SRBD1: variants seen among roughly 807,000 people sequenced by gnomAD.
The protein encoded by SRBD1 is S1 RNA-binding domain-containing protein 1.
SRBD1 carries 88 observed loss-of-function variants against 115.3 expected under a neutral mutation model. That is an observed-to-expected ratio of 0.76 (90% CI 0.64 to 0.91). The LOEUF is 0.91. Among genes scored for constraint, SRBD1 ranks in the 40% least tolerant of loss-of-function variants. The probability of loss-of-function intolerance (pLI) is 0.00; values close to 1 mark genes in which losing one functional copy is unlikely to be tolerated. For synonymous variants in SRBD1, 509 were observed against 407.7 expected, an observed-to-expected ratio of 1.25 and a Z score of -2.99; for missense variants, 1,385 against 1,177.4, an observed-to-expected ratio of 1.18 and a Z score of -2.58.
rs1173007937 is a variant in SRBD1 at position 45,414,902 on chromosome 2, CAT to C, written c.2334-1611_2334-1610del. Reference sequence around the variant, plus strand: ...AGTGTGTATATAGTATGTACACACACATATAGTGTGTATATAGTATGTACACA... The same window carrying C: ...AGTGTGTATATAGTATGTACACACACATAGTGTGTATATAGTATGTACACA... On this transcript the variant is annotated intron_variant, in intron 18 of 20. Coordinates refer to ENST00000263736, the MANE Select transcript of SRBD1 (RefSeq NM_018079.5). Among the ~76,000 whole-genome samples the C allele has an allele frequency of 7.1e-4, 75 of 105,896 alleles. 16 individuals are homozygous for C. Among genetic ancestry groups the C allele is most frequent in the African/African-American group, 2.1e-3 (58 of 27,332 alleles). 69.5% of individuals were successfully genotyped at this position (105,896 alleles called of 152,430 possible). A position where few individuals can be genotyped will look rare whatever the true frequency, so the allele number is the denominator to read the frequency against.
At chr2:45,510,946 A>G (rs1670947969) in intron 14 of SRBD1, among the ~76,000 whole-genome samples, 1 of 152,244 alleles carries the variant, frequency 6.6e-6, no homozygotes, top group Non-Finnish European at 1.5e-5. Context: ...AAAAAAGAGA[A>G]GCACAAGTGT....
At chr2:45,398,422 T>C (rs1336359533) in intron 19 of SRBD1, among the ~76,000 whole-genome samples, 1 of 152,158 alleles carries the variant, frequency 6.6e-6, no homozygotes, top group Non-Finnish European at 1.5e-5. Flanking sequence ...GGAATGCAGT[T>C]TGTCTTCCAA....
intron 16 of SRBD1, among the ~76,000 whole-genome samples, chr2:45,435,759 C>T (rs1041217570): frequency 6.6e-6 from 1 of 152,112 alleles, no homozygotes; most frequent in Admixed American, 6.5e-5. Context: ...AAGGATTACA[C>T]TACCCCCACC....
intron 14 of SRBD1, among the ~76,000 whole-genome samples, chr2:45,530,104 CATT>C (rs1158299431): frequency 6.6e-6 from 1 of 151,866 alleles, no homozygotes; most frequent in East Asian, 1.9e-4. Flanking sequence ...TGAGGAAAAC[CATT>C]ATGTTGAAAG....
At chr2:45,493,013 C>A (rs1354696149) in intron 14 of SRBD1, among the ~76,000 whole-genome samples, 1 of 152,156 alleles carries the variant, frequency 6.6e-6, no homozygotes, top group Non-Finnish European at 1.5e-5. Context: ...CTTTTTAATT[C>A]TTTACAAAAG....
intron 16 of SRBD1, among the ~76,000 whole-genome samples, chr2:45,425,848 A>G (rs1668137064): frequency 6.6e-6 from 1 of 152,108 alleles, no homozygotes; most frequent in African/African-American, 2.4e-5. Flanking sequence ...GGTCTTTGCA[A>G]CCCGCAGACC....
intron 19 of SRBD1, among the ~76,000 whole-genome samples, chr2:45,411,718 C>T (rs1233785495): frequency 6.6e-5 from 10 of 151,998 alleles, no homozygotes; most frequent in East Asian, 1.9e-4. Context: ...AGAAAAAAAT[C>T]GTAAAGAATT....
intron 1 of SRBD1, among the ~76,000 whole-genome samples, chr2:45,608,220 T>C (rs771148623): frequency 3.3e-5 from 5 of 152,230 alleles, no homozygotes; most frequent in Non-Finnish European, 7.3e-5. Flanking sequence ...TGCCTCTTTA[T>C]AAGGCACCCC....
intron 19 of SRBD1, among the ~76,000 whole-genome samples, chr2:45,406,697 C>T (rs1031980990): frequency 6.6e-6 from 1 of 152,106 alleles, no homozygotes; most frequent in Non-Finnish European, 1.5e-5. Flanking sequence ...TGCAGCAGAA[C>T]AGCATAAAAT....
At chr2:45,595,340 A>T (rs1232901054) in intron 4 of SRBD1, among the ~76,000 whole-genome samples, 1 of 152,244 alleles carries the variant, frequency 6.6e-6, no homozygotes, top group Admixed American at 6.5e-5. Flanking sequence ...TAAAGGATAT[A>T]TAAATGACAT....
chr2:45,391,270 C>T (rs1280367222), intron 20 of SRBD1, among the ~76,000 whole-genome samples: 1 of 152,194 alleles, frequency 6.6e-6, no homozygotes, highest in African/African-American at 2.4e-5. Flanking sequence ...CAAGCATTTT[C>T]AGCCCCTGTG....
rs1479711991 is a variant in SRBD1, at chr2:45,594,324, C to A, written c.648+5125G>T. Among the ~76,000 whole-genome samples the A allele has an allele frequency of 2.6e-5, 4 of 152,140 alleles. No homozygotes were observed. In the South Asian group the frequency reaches 8.3e-4, roughly 32 times the overall value. On this transcript the variant is annotated intron_variant, in intron 4 of 20. Transcript: ENST00000263736. Reference sequence around the variant, plus strand: ...AAAAAAGGTTTTGTTTGCCTTTTCTCCCTGTTTAGCAAACTTTACTAAGAT... The same window carrying A: ...AAAAAAGGTTTTGTTTGCCTTTTCTACCTGTTTAGCAAACTTTACTAAGAT...
At chr2:45,431,144 G>T (rs1026533932) in intron 16 of SRBD1, among the ~76,000 whole-genome samples, 9 of 152,150 alleles carry the variant, frequency 5.9e-5, no homozygotes, top group Non-Finnish European at 4.4e-5. Flanking sequence ...AACAACAGAT[G>T]CTGGAGAGGA....
intron 14 of SRBD1, among the ~76,000 whole-genome samples, chr2:45,499,925 G>C (rs1465067366): frequency 6.6e-6 from 1 of 152,142 alleles, no homozygotes; most frequent in African/African-American, 2.4e-5. Context: ...AAATCAGGTA[G>C]TGTGATGCCT....
chr2:45,564,704 G>A (rs563463945), intron 9 of SRBD1, among the ~76,000 whole-genome samples: 3 of 152,098 alleles, frequency 2.0e-5, no homozygotes, highest in Admixed American at 6.5e-5. Flanking sequence ...CAACTTACAC[G>A]GTTGACCTTT....
intron 16 of SRBD1, among the ~76,000 whole-genome samples, chr2:45,436,471 T>C (rs1016768186): frequency 2.0e-5 from 3 of 152,154 alleles, no homozygotes; most frequent in Non-Finnish European, 4.4e-5. Context: ...CACACCGCTA[T>C]AAAGAACTTC....
chr2:45,566,003 T>G (rs1419296404), intron 9 of SRBD1, among the ~76,000 whole-genome samples: 2 of 152,176 alleles, frequency 1.3e-5, no homozygotes, highest in African/African-American at 4.8e-5. Flanking sequence ...GATAAGTACA[T>G]GAATAGATGC....
chr2:45,523,422 C>T (rs2103961843), intron 14 of SRBD1, among the ~76,000 whole-genome samples: 1 of 151,344 alleles, frequency 6.6e-6, no homozygotes, highest in African/African-American at 2.4e-5. Flanking sequence ...GTTCTTAGAA[C>T]ATATTAACAA....
intron 16 of SRBD1, among the ~76,000 whole-genome samples, chr2:45,456,843 G>A (rs982263939): frequency 2.6e-5 from 4 of 151,882 alleles, no homozygotes; most frequent in East Asian, 1.9e-4. Flanking sequence ...AGCAAACAAC[G>A]TAACTCTGGA....
Sources: gnomAD v4.1 joint callset for allele counts (sites outside exome capture counted in the v4.1 genomes callset) on GRCh38, gnomAD v4.1.1 for gene constraint, MANE v1.5 for transcripts, NCBI Gene and HGNC (gene_info 2026-07-23, HGNC 2026-07-21) for gene names.